Variants in MCTP2 observed in about 807,000 individuals in gnomAD.
MCTP2 encodes the protein multiple C2 and transmembrane domain containing 2.
Under a neutral mutation model 111.6 loss-of-function variants are expected in MCTP2, and 132 were observed. The ratio of observed to expected loss-of-function variants is 1.18; its 90% confidence interval spans 1.03 to 1.37. MCTP2 has a LOEUF of 1.37. Ranked by LOEUF, MCTP2 falls within the 40% of genes most tolerant of loss-of-function variation. The pLI is 0.00. For synonymous variants in MCTP2, 395 were observed against 387.7 expected (o/e 1.02, Z -0.22); for missense variants, 1,183 against 1,067.9 (o/e 1.11, Z -1.50).
At chr15:94,475,521 A>T (rs2074280798) in intron 21 of MCTP2, among the ~76,000 whole-genome samples, 1 of 152,236 alleles carries the variant, frequency 6.6e-6, no homozygotes, top group Non-Finnish European at 1.5e-5. Flanking sequence ...ACTACTGAAC[A>T]GTTAAATGTT....
intron 1 of MCTP2, among the ~76,000 whole-genome samples, chr15:94,236,799 G>T (rs2070601011): frequency 6.6e-6 from 1 of 152,176 alleles, no homozygotes; most frequent in Non-Finnish European, 1.5e-5. Flanking sequence ...CCTCCCTCTG[G>T]CAGTGAGTCA....
chr15:94,343,083 T>G (rs1362921790), intron 7 of MCTP2: 2 of 151,214 alleles, frequency 1.3e-5, no homozygotes, highest in African/African-American at 4.8e-5. Context: ...AATGGAAATA[T>G]AGACAACTGC....
chr15:94,280,270 G>A lies in MCTP2; in HGVS notation c.-65-17931G>A, dbSNP rs544998054. ...TTTAAATTTTTTTTATTTTTTATTA[G>A]TGATTCAATTTCAGAACTCACTGTT... On this transcript the variant is annotated intron_variant, in intron 1 of 22. Coordinates refer to ENST00000357742, the MANE Select transcript of MCTP2 (RefSeq NM_001385001.1). Among the ~76,000 whole-genome samples the A allele has an allele frequency of 4.0e-5, 6 of 151,524 alleles. No homozygotes were observed. In the South Asian group the frequency reaches 1.0e-3, roughly 26 times the overall value.
chr15:94,336,239 C>G (rs942920233), intron 4 of MCTP2, among the ~76,000 whole-genome samples: 1 of 152,032 alleles, frequency 6.6e-6, no homozygotes, highest in Non-Finnish European at 1.5e-5. Flanking sequence ...GAATGACCTT[C>G]TCTGCCTGTT....
intron 1 of MCTP2, among the ~76,000 whole-genome samples, chr15:94,254,360 G>T (rs6497183): frequency 1.3e-5 from 2 of 151,912 alleles, no homozygotes; most frequent in Non-Finnish European, 1.5e-5. Context: ...AGATGTTGTG[G>T]TCAGAGAGAA....
chr15:94,343,614 CTT>C (rs1240606735), intron 7 of MCTP2: 1 of 152,122 alleles, frequency 6.6e-6, no homozygotes, highest in Non-Finnish European at 1.5e-5. Flanking sequence ...ACTCTGTGTT[CTT>C]TTTTTGTGGC....
chr15:94,390,455 A>T (rs2080888761), intron 14 of MCTP2, among the ~76,000 whole-genome samples: 1 of 152,006 alleles, frequency 6.6e-6, no homozygotes, highest in African/African-American at 2.4e-5. Flanking sequence ...TAATTCACTG[A>T]CTCAATAGAC....
At chr15:94,328,377 C>T (rs950574012) in intron 4 of MCTP2, among the ~76,000 whole-genome samples, 2 of 152,164 alleles carry the variant, frequency 1.3e-5, no homozygotes, top group African/African-American at 2.4e-5. Context: ...ATCCACCCGC[C>T]TTGGCCTCCC....
chr15:94,242,945 A>G (rs76816351), intron 1 of MCTP2, among the ~76,000 whole-genome samples: 1,174 of 99,400 alleles, frequency 0.012, 28 homozygotes, highest in Middle Eastern at 0.016. Flanking sequence ...GTGTATATGT[A>G]GATACACATA....
intron 17 of MCTP2, among the ~76,000 whole-genome samples, chr15:94,422,954 C>A (rs972292471): frequency 1.3e-5 from 2 of 152,152 alleles, no homozygotes; most frequent in Admixed American, 6.5e-5. Flanking sequence ...CTTTGGCCTC[C>A]CAAAGTGCTG....
At chr15:94,383,955 G>T in intron 12 of MCTP2, 67 bp from the exon 13 acceptor site, 2 of 1,147,780 alleles carry the variant, frequency 1.7e-6, no homozygotes, top group African/African-American at 1.5e-5. Context: ...TCTGACTCTT[G>T]TTCACATTGC....
At chr15:94,252,254 A>G (rs145386466) in intron 1 of MCTP2, among the ~76,000 whole-genome samples, 29 of 152,272 alleles carry the variant, frequency 1.9e-4, no homozygotes, top group African/African-American at 4.8e-4. Flanking sequence ...TAGGGTTCCA[A>G]TCTCTCTAGA....
intron 2 of MCTP2, among the ~76,000 whole-genome samples, chr15:94,313,046 C>T (rs949672832): frequency 1.7e-4 from 26 of 152,252 alleles, no homozygotes; most frequent in African/African-American, 4.6e-4. Flanking sequence ...GCATTGTCTC[C>T]GGGGCTGCCT....
chr15:94,330,430 T>C (rs1176922523), intron 4 of MCTP2, among the ~76,000 whole-genome samples: 2 of 152,204 alleles, frequency 1.3e-5, no homozygotes, highest in Non-Finnish European at 2.9e-5. Context: ...ATTACTAATA[T>C]GCATATAGGT....
chr15:94,255,379 G>T (rs1455759), intron 1 of MCTP2, among the ~76,000 whole-genome samples: 4 of 151,974 alleles, frequency 2.6e-5, no homozygotes, highest in Non-Finnish European at 1.5e-5. Context: ...TCTAGAGAGA[G>T]GGTTTTATTC....
At chr15:94,296,753 T>G (rs2075294301) in intron 1 of MCTP2, among the ~76,000 whole-genome samples, 1 of 152,206 alleles carries the variant, frequency 6.6e-6, no homozygotes, top group African/African-American at 2.4e-5. Flanking sequence ...TTGCACCTGG[T>G]CCTACCTCTA....
At chr15:94,426,303 C>G (rs923127869) in intron 17 of MCTP2, among the ~76,000 whole-genome samples, 5 of 152,088 alleles carry the variant, frequency 3.3e-5, no homozygotes, top group Non-Finnish European at 7.4e-5. Flanking sequence ...TCTTTTCTCT[C>G]TCTTTCTGGA....
At chr15:94,385,680 T>G in intron 14 of MCTP2, 155 bp downstream of exon 14, 1 of 570,588 alleles carries the variant, frequency 1.8e-6, no homozygotes, top group Non-Finnish European at 3.1e-6. Context: ...TTTTCCGGTA[T>G]TTTCAGTAGT....
At chr15:94,425,559 AAAAAGAAC>A (rs2082842916) in intron 17 of MCTP2, among the ~76,000 whole-genome samples, 1 of 152,172 alleles carries the variant, frequency 6.6e-6, no homozygotes, top group African/African-American at 2.4e-5. Context: ...AGGAGTAAAA[AAAAAGAAC>A]AAAAATCATG....
Sources: gnomAD v4.1 joint callset for allele counts (sites outside exome capture counted in the v4.1 genomes callset) on GRCh38, gnomAD v4.1.1 for gene constraint, MANE v1.5 for transcripts, NCBI Gene and HGNC (gene_info 2026-07-23, HGNC 2026-07-21) for gene names.